Variants in CEP112 observed in about 807,000 individuals in gnomAD.
The protein encoded by CEP112 is centrosomal protein 112, also known as centrosomal protein of 112 kDa.
A neutral mutation model predicts 153.0 loss-of-function variants in CEP112; 127 were observed. The observed-to-expected ratio is 0.83, with a 90% CI of 0.72 to 0.96. The LOEUF is 0.96. Ranked by LOEUF, CEP112 falls within the 40% of genes least tolerant of loss-of-function variation. CEP112 has a pLI of 0.00. For missense variants in CEP112, 1,089 were observed against 1,101.2 expected (o/e 0.99, Z 0.16); for synonymous variants, 358 against 374.4 (o/e 0.96, Z 0.51).
intron 21 of CEP112, among the ~76,000 whole-genome samples, chr17:65,781,255 T>C (rs1185544105): frequency 6.6e-6 from 1 of 152,026 alleles, no homozygotes; most frequent in Non-Finnish European, 1.5e-5. Context: ...AGGAATGCAA[T>C]CTCATCTACG....
chr17:66,049,369 A>G (rs1568430592), intron 12 of CEP112, among the ~76,000 whole-genome samples: 1 of 152,236 alleles, frequency 6.6e-6, no homozygotes, highest in Non-Finnish European at 1.5e-5. Context: ...CATTCATAAT[A>G]CACAGCACAT....
At chr17:66,082,713 A>T (rs187488948) in intron 8 of CEP112, among the ~76,000 whole-genome samples, 3 of 152,114 alleles carry the variant, frequency 2.0e-5, no homozygotes, top group Admixed American at 6.5e-5. Flanking sequence ...CAGTAAGCCA[A>T]GACTGCACCA....
intron 24 of CEP112, chr17:65,688,652 A>C (rs1238130026): frequency 6.4e-6 from 1 of 155,580 alleles, no homozygotes; most frequent in Admixed American, 6.4e-5. Flanking sequence ...AGAATGCTTT[A>C]CTTGTGGACT....
chr17:66,113,214 T>G (rs2069136097), intron 6 of CEP112, among the ~76,000 whole-genome samples: 1 of 152,160 alleles, frequency 6.6e-6, no homozygotes, highest in South Asian at 2.1e-4. Context: ...GGTATAAATA[T>G]GCATCGTCAT....
At chr17:65,858,266 T>TA (rs778772097) in intron 20 of CEP112, among the ~76,000 whole-genome samples, 3 of 152,188 alleles carry the variant, frequency 2.0e-5, no homozygotes, top group Non-Finnish European at 2.9e-5. Flanking sequence ...GAAAAGTTTG[T>TA]AAAAGACTAC....
intron 17 of CEP112, among the ~76,000 whole-genome samples, chr17:65,978,941 C>T (rs752856123): frequency 2.3e-4 from 35 of 152,272 alleles, no homozygotes; most frequent in Non-Finnish European, 3.1e-4. Flanking sequence ...AAATACTTCA[C>T]AGAATGAAAA....
intron 23 of CEP112, among the ~76,000 whole-genome samples, chr17:65,725,897 G>A (rs1598407437): frequency 6.6e-6 from 1 of 152,074 alleles, no homozygotes; most frequent in East Asian, 1.9e-4. Flanking sequence ...GATTATGGGA[G>A]TACATGATGA....
chr17:66,013,540 A>G (rs1294771091), intron 16 of CEP112, among the ~76,000 whole-genome samples: 1 of 152,068 alleles, frequency 6.6e-6, no homozygotes, highest in African/African-American at 2.4e-5. Context: ...CTCTAACTCT[A>G]AGGGGCTGGT....
intron 17 of CEP112, among the ~76,000 whole-genome samples, chr17:65,972,489 T>A (rs1414730451): frequency 6.6e-6 from 1 of 151,938 alleles, no homozygotes; most frequent in Non-Finnish European, 1.5e-5. Flanking sequence ...TAAAGAACAG[T>A]AAAACACAAA....
intron 21 of CEP112, among the ~76,000 whole-genome samples, chr17:65,829,391 C>T (rs2056984637): frequency 6.6e-6 from 1 of 152,054 alleles, no homozygotes; most frequent in African/African-American, 2.4e-5. Context: ...ACTCTCAACA[C>T]AGAACCCTTC....
rs74657797 is a variant in CEP112 at position 66,162,127 on chromosome 17, G to C, written c.470+12917C>G. On this transcript the variant is annotated intron_variant, in intron 4 of 26. Transcript: ENST00000535342. ...CAGAATATACAAAGACAAATCGACA[G>C]TGAAAAGACAGACAAACCATTTTTT... is the stretch of plus-strand genomic sequence containing the variant. 2.2e-3 allele frequency among the ~76,000 whole-genome samples: 331 copies of C among 152,216 alleles called. 9 individuals are homozygous for C. The East Asian group carries it at 0.058, about 27-fold the overall frequency.
At chr17:65,835,903 A>T (rs992075997) in intron 21 of CEP112, among the ~76,000 whole-genome samples, 3 of 152,220 alleles carry the variant, frequency 2.0e-5, no homozygotes, top group African/African-American at 7.2e-5. Context: ...TTAAAATAAT[A>T]ACTACAATAA....
chr17:65,727,476 T>C (rs1342947169), intron 23 of CEP112, among the ~76,000 whole-genome samples: 2 of 152,188 alleles, frequency 1.3e-5, no homozygotes, highest in Non-Finnish European at 2.9e-5. Context: ...GGAGGCTGTT[T>C]TAAATCAATC....
chr17:65,923,751 T>C (rs1285225040), intron 19 of CEP112, among the ~76,000 whole-genome samples: 2 of 152,122 alleles, frequency 1.3e-5, no homozygotes, highest in African/African-American at 4.8e-5. Context: ...GCCAATTCCA[T>C]AGTCATGTAT....
At chr17:65,754,885 G>A (rs947801872) in intron 21 of CEP112, among the ~76,000 whole-genome samples, 17 of 152,110 alleles carry the variant, frequency 1.1e-4, no homozygotes, top group African/African-American at 3.9e-4. Context: ...GCTGAACGGT[G>A]AGAACACATG....
chr17:66,127,292 G>C (rs1032123393), intron 6 of CEP112, among the ~76,000 whole-genome samples: 10 of 152,176 alleles, frequency 6.6e-5, no homozygotes, highest in Admixed American at 3.3e-4. Flanking sequence ...AAGGGCAAAG[G>C]TGAGTTTAAA....
At chr17:65,826,905 T>C (rs1165409962) in intron 21 of CEP112, among the ~76,000 whole-genome samples, 1 of 152,066 alleles carries the variant, frequency 6.6e-6, no homozygotes, top group Non-Finnish European at 1.5e-5. Context: ...CAAAGGAGAT[T>C]AACATTTGAG....
In CEP112 at chr17:66,029,806, C is replaced by G. The variant is rs1323198975; in HGVS notation, c.1373+63G>C. 5 of 1,403,620 alleles carry G rather than the reference C, an allele frequency of 3.6e-6. No individual in the cohort carries two copies. The Admixed American group carries it at 1.1e-4, about 30-fold the overall frequency. The allele number at this position is 1,403,620 out of a possible 1,614,324, so 86.9% of individuals were successfully genotyped here. A position where few individuals can be genotyped will look rare whatever the true frequency, so the allele number is the denominator to read the frequency against. On this transcript the variant is annotated intron_variant, in intron 13 of 26. Coordinates refer to ENST00000535342, the MANE Select transcript of CEP112 (RefSeq NM_001199165.4). Reference sequence around the variant, plus strand: ...AGGTGTAATTAATTTTGGCAGATAACTGATACAGTTAATATCAGTACTTTA... The same window carrying G: ...AGGTGTAATTAATTTTGGCAGATAAGTGATACAGTTAATATCAGTACTTTA...
intron 21 of CEP112, among the ~76,000 whole-genome samples, chr17:65,761,517 T>C (rs1196184654): frequency 6.6e-6 from 1 of 152,160 alleles, no homozygotes; most frequent in Non-Finnish European, 1.5e-5. Flanking sequence ...ATATTTCTTC[T>C]TGTCTCATAA....
Sources: gnomAD v4.1 joint callset for allele counts (sites outside exome capture counted in the v4.1 genomes callset) on GRCh38, gnomAD v4.1.1 for gene constraint, MANE v1.5 for transcripts, NCBI Gene and HGNC (gene_info 2026-07-23, HGNC 2026-07-21) for gene names.